The following ADAMTSL1 variants were observed in gnomAD, a reference collection of about 807,000 sequenced individuals.
The protein encoded by ADAMTSL1 is ADAMTS-like protein 1.
A neutral mutation model predicts 201.8 loss-of-function variants in ADAMTSL1; 126 were observed. The observed-to-expected ratio is 0.62, with a 90% CI of 0.54 to 0.72. The LOEUF is 0.72. Among genes scored for constraint, ADAMTSL1 ranks in the 30% least tolerant of loss-of-function variants. The pLI is 0.00. For synonymous variants in ADAMTSL1, 1,121 were observed against 903.4 expected (o/e 1.24, Z -4.32); for missense variants, 2,679 against 2,277.8 (o/e 1.18, Z -3.59).
rs1292775886 is a variant in ADAMTSL1 at position 18,451,820 on chromosome 9, G to GAAGGGCCCACATCTGGC, written c.208-53000_208-52984dup. On this transcript the variant is annotated intron_variant, in intron 2 of 29. Transcript: ENST00000680146. ...TCTAGAGGCTGGGAAGTCCAAGACT[G>GAAGGGCCCACATCTGGC]AAGGGCCCACATCTGGCAAGGGCCC... 3.3e-5 allele frequency among the ~76,000 whole-genome samples: 5 copies of GAAGGGCCCACATCTGGC among 152,236 alleles called. No individual in the cohort carries two copies. In the East Asian group the frequency reaches 7.7e-4, roughly 23 times the overall value.
At chr9:18,091,780 G>C (rs1038162729) in intron 1 of ADAMTSL1, among the ~76,000 whole-genome samples, 1 of 152,060 alleles carries the variant, frequency 6.6e-6, no homozygotes, top group African/African-American at 2.4e-5. Flanking sequence ...AATTATTAAA[G>C]CACAGTCCCT....
intron 2 of ADAMTSL1, among the ~76,000 whole-genome samples, chr9:18,382,297 C>A (rs1165318860): frequency 6.6e-6 from 1 of 152,236 alleles, no homozygotes; most frequent in Non-Finnish European, 1.5e-5. Flanking sequence ...GTAGTGAACT[C>A]TAGGAATGGT....
intron 15 of ADAMTSL1, among the ~76,000 whole-genome samples, chr9:18,724,703 A>G (rs542511611): frequency 1.3e-5 from 2 of 152,318 alleles, no homozygotes; most frequent in Admixed American, 1.3e-4. Flanking sequence ...TGTTTATTAT[A>G]TAAATGAGTA....
At chr9:18,277,764 T>A (rs1446669133) in intron 2 of ADAMTSL1, among the ~76,000 whole-genome samples, 1 of 152,320 alleles carries the variant, frequency 6.6e-6, no homozygotes, top group South Asian at 2.1e-4. Context: ...TTAATCTATT[T>A]ACAATTTAAA....
At chr9:18,503,687 T>C (rs1270440047) in intron 1 of ADAMTSL1, among the ~76,000 whole-genome samples, 1 of 151,990 alleles carries the variant, frequency 6.6e-6, no homozygotes, top group South Asian at 2.1e-4. Flanking sequence ...AGATCCACAG[T>C]TCCTGCTCCT....
At chr9:18,117,313 G>A (rs1825294575) in intron 1 of ADAMTSL1, among the ~76,000 whole-genome samples, 1 of 152,046 alleles carries the variant, frequency 6.6e-6, no homozygotes, top group Non-Finnish European at 1.5e-5. Context: ...GACCTCTAAG[G>A]TCTGACATCA....
At chr9:18,342,559 G>A (rs537389359) in intron 2 of ADAMTSL1, among the ~76,000 whole-genome samples, 6 of 152,142 alleles carry the variant, frequency 3.9e-5, no homozygotes, top group Admixed American at 6.6e-5. Flanking sequence ...CTTATTAAAC[G>A]TATGTATATG....
chr9:18,584,696 G>A (rs1421323786), intron 4 of ADAMTSL1, among the ~76,000 whole-genome samples: 2 of 152,176 alleles, frequency 1.3e-5, no homozygotes, highest in Non-Finnish European at 2.9e-5. Context: ...TTGTTACCAG[G>A]TGTGTCTGTG....
intron 22 of ADAMTSL1, among the ~76,000 whole-genome samples, chr9:18,826,751 T>C (rs987807226): frequency 3.9e-5 from 6 of 152,188 alleles, no homozygotes; most frequent in African/African-American, 1.4e-4. Context: ...GACAGGAGGA[T>C]TGCAAGGGCA....
At chr9:18,135,353 C>T (rs1216095306) in intron 1 of ADAMTSL1, among the ~76,000 whole-genome samples, 1 of 152,064 alleles carries the variant, frequency 6.6e-6, no homozygotes, top group Admixed American at 6.5e-5. Flanking sequence ...ATGAGGAAAG[C>T]AACTCTTTGG....
rs1825871305 is a variant in ADAMTSL1, at chr9:17,910,088, C to T, written c.87+3166C>T. Among the ~76,000 whole-genome samples the T allele has an allele frequency of 4.4e-5, 3 of 67,528 alleles. 1 individual carries two copies. Among genetic ancestry groups the T allele is most frequent in the African/African-American group, 8.9e-5 (3 of 33,882 alleles). The allele number at this position is 67,528 out of a possible 152,430, so 44.3% of individuals were successfully genotyped here. Reference sequence around the variant, plus strand: ...AGTCTTGACATGTAGCTTCCAGTCCCGGCGCTGTCCCTAAGCGCGGTATCA... The same window carrying T: ...AGTCTTGACATGTAGCTTCCAGTCCTGGCGCTGTCCCTAAGCGCGGTATCA... On this transcript the variant is annotated intron_variant, in intron 1 of 29. Transcript: ENST00000680146.
rs747019303 is a variant in ADAMTSL1 at position 18,829,850 on chromosome 9, C to G, written c.4122C>G (p.Pro1374=). 8.7e-6 allele frequency: 14 copies of G among 1,614,012 alleles called. No homozygotes were observed. The highest frequency in any genetic ancestry group is 3.3e-5 in the Admixed American group (2 of 60,028). The change falls in exon 23 of 29, where the codon CCC becomes CCG. Residue 1374 remains proline, a synonymous_variant. Transcript: ENST00000380548. ...ESTQLLILDP[P]QVPTQLEDIR... ...CCCTCTGCCTTCTCACAGATCCCCC[C>G]CAAGTCCCCACACAGTTGGAAGACA...
intron 15 of ADAMTSL1, among the ~76,000 whole-genome samples, chr9:18,744,763 C>A (rs926870155): frequency 2.6e-5 from 4 of 152,214 alleles, no homozygotes; most frequent in Non-Finnish European, 4.4e-5. Context: ...ACAATCCGAT[C>A]TTAGAGCCCA....
At chr9:17,952,454 A>G (rs902303221) in intron 1 of ADAMTSL1, among the ~76,000 whole-genome samples, 3 of 152,270 alleles carry the variant, frequency 2.0e-5, no homozygotes, top group South Asian at 2.1e-4. Context: ...TTTACTAACT[A>G]GTCTATCACT....
intron 1 of ADAMTSL1, among the ~76,000 whole-genome samples, chr9:18,494,521 A>G (rs1268282839): frequency 2.0e-5 from 3 of 152,174 alleles, no homozygotes; most frequent in African/African-American, 7.2e-5. Context: ...AGGCACTATC[A>G]AGATCATGAC....
chr9:18,680,457 A>G lies in ADAMTSL1; in HGVS notation c.1282A>G (p.Ile428Val). 2 of 1,614,198 alleles carry G rather than the reference A, an allele frequency of 1.2e-6. No homozygotes were observed. Among genetic ancestry groups the G allele is most frequent in the Non-Finnish European group, 1.7e-6 (2 of 1,180,040 alleles). Residue 428 changes from isoleucine (I) to valine (V), a missense_variant, in exon 11 of 29, where the codon ATC becomes GTC. Physicochemically the swap from Ile to Val is conservative, Grantham distance 29 (BLOSUM62 3). Transcript: ENST00000380548. Reference sequence around the variant, plus strand: ...ATGCATGTACACCCCTAAGATGCCCATCGCGCAGCCCTGCAACATTTTTGA... The same window carrying G: ...ATGCATGTACACCCCTAAGATGCCCGTCGCGCAGCCCTGCAACATTTTTGA... ...WKCMYTPKMP[I>V]AQPCNIFDCP...
At chr9:18,687,918 A>G (rs1830935753) in intron 13 of ADAMTSL1, among the ~76,000 whole-genome samples, 1 of 152,112 alleles carries the variant, frequency 6.6e-6, no homozygotes, top group South Asian at 2.1e-4. Context: ...ATTTCATAGA[A>G]CCACTGAAAT....
intron 21 of ADAMTSL1, among the ~76,000 whole-genome samples, chr9:18,824,912 G>T (rs1824446704): frequency 6.6e-6 from 1 of 151,966 alleles, no homozygotes; most frequent in Non-Finnish European, 1.5e-5. Context: ...TGGTCAGACT[G>T]GTCTCAAACT....
rs748240971 is a variant in ADAMTSL1 at position 18,770,596 on chromosome 9, C to A, written c.2218-6C>A. The A allele has an allele frequency of 6.2e-7, 1 of 1,605,506 alleles. No individual in the cohort carries two copies. Among genetic ancestry groups the A allele is most frequent in the Non-Finnish European group, 8.5e-7 (1 of 1,175,050 alleles). On this transcript the variant is annotated splice_region_variant and splice_polypyrimidine_tract_variant and intron_variant, in intron 16 of 28. Coordinates refer to ENST00000380548, the MANE Select transcript of ADAMTSL1 (RefSeq NM_001040272.6). ...CTTTTTCTTCTTTCCTTCTTTCTTT[C>A]CCCAGTGTTCCAGAACGTGTGGCGG...
Sources: gnomAD v4.1 joint callset for allele counts (sites outside exome capture counted in the v4.1 genomes callset) on GRCh38, gnomAD v4.1.1 for gene constraint, MANE v1.5 for transcripts, NCBI Gene and HGNC (gene_info 2026-07-23, HGNC 2026-07-21) for gene names.